Variants in SV2C observed in about 807,000 individuals in gnomAD.
SV2C encodes the protein solute carrier family 22 member B3.
A neutral mutation model predicts 79.7 loss-of-function variants in SV2C; 49 were observed. That is an observed-to-expected ratio of 0.61 (90% CI 0.49 to 0.78). The LOEUF is 0.78. SV2C is among the 30% of genes least tolerant of loss of function. The probability of loss-of-function intolerance (pLI) is 0.00; values close to 1 mark genes in which losing one functional copy is unlikely to be tolerated. For missense variants in SV2C, 833 were observed against 912.9 expected, an observed-to-expected ratio of 0.91 and a Z score of 1.13; for synonymous variants, 334 against 333.2, an observed-to-expected ratio of 1.00 and a Z score of -0.03.
At chr5:75,902,383 G>T in the SV2C span, among the ~76,000 whole-genome samples, 2 of 152,192 alleles carry the variant, frequency 1.3e-5, no homozygotes, top group Non-Finnish European at 2.9e-5. Context: ...CACAGAAGGT[G>T]CTGTATGGGC....
chr5:76,279,145 A>G (rs1348037218), intron 4 of SV2C, among the ~76,000 whole-genome samples: 1 of 152,168 alleles, frequency 6.6e-6, no homozygotes, highest in African/African-American at 2.4e-5. Context: ...GGTAAGAGAG[A>G]AACAAGAGTT....
At chr5:75,972,595 A>G in the SV2C span, among the ~76,000 whole-genome samples, 5 of 152,192 alleles carry the variant, frequency 3.3e-5, no homozygotes, top group African/African-American at 1.2e-4. Context: ...ATCACTGGCC[A>G]TCAGAGAAAT....
chr5:76,336,311 C>T (rs570559290), downstream of SV2C, among the ~76,000 whole-genome samples: 242 of 151,900 alleles, frequency 1.6e-3, no homozygotes, highest in Non-Finnish European at 2.8e-3. Context: ...CGGGCAGAGA[C>T]GCTCCTCACC....
At chr5:76,096,399 A>G (rs1357293884) in intron 1 of SV2C, among the ~76,000 whole-genome samples, 2 of 152,134 alleles carry the variant, frequency 1.3e-5, no homozygotes, top group South Asian at 2.1e-4. Context: ...GCTTACATCA[A>G]CCACTTTAAA....
the SV2C span, among the ~76,000 whole-genome samples, chr5:75,940,906 G>T: frequency 1.3e-5 from 2 of 152,168 alleles, no homozygotes; most frequent in East Asian, 3.8e-4. Flanking sequence ...TTCACCACTT[G>T]CCTAGGATCC....
intron 2 of SV2C, among the ~76,000 whole-genome samples, chr5:76,159,753 T>G (rs963978456): frequency 1.1e-4 from 17 of 152,244 alleles, no homozygotes; most frequent in Non-Finnish European, 2.5e-4. Context: ...TACTCTAGTA[T>G]GACCTCACCT....
At chr5:75,890,584 C>T in the SV2C span, among the ~76,000 whole-genome samples, 2 of 152,084 alleles carry the variant, frequency 1.3e-5, no homozygotes, top group African/African-American at 2.4e-5. Context: ...TAGATGCCAC[C>T]AGGTCTATCT....
chr5:76,285,570 C>G lies in SV2C; in HGVS notation c.1048-211C>G, dbSNP rs1277556602. 6 of 608,796 alleles carry G rather than the reference C, an allele frequency of 9.9e-6. No homozygotes were observed. In the South Asian group the frequency reaches 1.3e-4, roughly 13 times the overall value. The allele number at this position is 608,796 out of a possible 1,614,324, so 37.7% of individuals were successfully genotyped here. A position where few individuals can be genotyped will look rare whatever the true frequency, so the allele number is the denominator to read the frequency against. ...TTGTTTTATAGCGAAATTTTACCAT[C>G]TGGAGATACTATTTCTAGTTATAAC... On this transcript the variant is annotated intron_variant, in intron 5 of 12. Coordinates refer to ENST00000502798, the MANE Select transcript of SV2C (RefSeq NM_014979.4).
At chr5:76,139,492 A>G (rs1749180918) in intron 2 of SV2C, among the ~76,000 whole-genome samples, 1 of 152,174 alleles carries the variant, frequency 6.6e-6, no homozygotes, top group Non-Finnish European at 1.5e-5. Context: ...TTAATTGGCC[A>G]ACTGGCATTC....
rs1464788089 is a variant in SV2C at position 76,327,859 on chromosome 5, A to G, written c.*2312A>G. The G allele has an allele frequency of 6.6e-6, 1 of 152,268 alleles. No individual in the cohort carries two copies. The highest frequency in any genetic ancestry group is 1.5e-5 in the Non-Finnish European group (1 of 68,062). The allele number at this position is 152,268 out of a possible 1,614,324, so 9.4% of individuals were successfully genotyped here. A position where few individuals can be genotyped will look rare whatever the true frequency, so the allele number is the denominator to read the frequency against. On this transcript the variant is annotated 3_prime_UTR_variant, in exon 13 of 13. Transcript: ENST00000502798. ...TATTTGAACACTGGGTTGGGTCAGCATAGGATAAACCAGCAAAACCTTACT... is the reference window on the plus strand; with the variant it reads ...TATTTGAACACTGGGTTGGGTCAGCGTAGGATAAACCAGCAAAACCTTACT...
At chr5:76,175,890 C>G (rs1743510561) in intron 2 of SV2C, among the ~76,000 whole-genome samples, 1 of 152,046 alleles carries the variant, frequency 6.6e-6, no homozygotes, top group Non-Finnish European at 1.5e-5. Context: ...TCTGACAGCC[C>G]CCACTGCACT....
intron 12 of SV2C, among the ~76,000 whole-genome samples, chr5:76,319,360 G>A (rs535471402): frequency 2.6e-5 from 4 of 152,186 alleles, no homozygotes; most frequent in African/African-American, 9.6e-5. Flanking sequence ...CGAGGCTGCA[G>A]TGAGCCATGA....
chr5:75,871,834 TACACAC>T, the SV2C span, among the ~76,000 whole-genome samples: 5 of 118,856 alleles, frequency 4.2e-5, no homozygotes, highest in Non-Finnish European at 8.8e-5. Flanking sequence ...TATATATATA[TACACAC>T]ACACACACAC....
At chr5:76,222,633 T>C (rs1745100195) in intron 4 of SV2C, among the ~76,000 whole-genome samples, 1 of 152,250 alleles carries the variant, frequency 6.6e-6, no homozygotes, top group Admixed American at 6.5e-5. Context: ...ATGTTGTCTA[T>C]AGTTATGTAA....
the SV2C span, among the ~76,000 whole-genome samples, chr5:75,974,415 A>G: frequency 2.0e-5 from 3 of 152,068 alleles, no homozygotes; most frequent in African/African-American, 7.3e-5. Context: ...CTTCCAAGTT[A>G]TTTTCATTTT....
chr5:76,060,369 G>A, the SV2C span, among the ~76,000 whole-genome samples: 4 of 152,090 alleles, frequency 2.6e-5, no homozygotes, highest in Admixed American at 2.0e-4. Context: ...TACCTTCACC[G>A]ATGATCATGA....
the SV2C span, among the ~76,000 whole-genome samples, chr5:76,024,005 A>G: frequency 6.6e-6 from 1 of 152,070 alleles, no homozygotes; most frequent in African/African-American, 2.4e-5. Flanking sequence ...CCCCTGGGGT[A>G]GGGGAAACAA....
At position 76,132,264 on chromosome 5, in the gene SV2C, G is replaced by A. The variant is rs774819373; in HGVS notation, c.514G>A (p.Val172Ile). ...LMADGVEVFV[V>I]GFVLPSAETD... ...GGCAGACGGTGTAGAGGTGTTTGTC[G>A]TTGGCTTCGTGTTACCCAGTGCTGA... is the stretch of plus-strand genomic sequence containing the variant. Residue 172 changes from valine (V) to isoleucine (I), a missense_variant, in exon 2 of 13, where the codon GTT (valine) becomes ATT (isoleucine). Val to Ile is a conservative substitution (Grantham distance 29). Transcript: ENST00000502798. 1.7e-5 allele frequency: 28 copies of A among 1,613,990 alleles called. No individual in the cohort carries two copies. Among genetic ancestry groups the A allele is most frequent in the Admixed American group, 8.3e-5 (5 of 60,006 alleles).
the SV2C span, among the ~76,000 whole-genome samples, chr5:75,957,486 C>G: frequency 6.6e-6 from 1 of 151,952 alleles, no homozygotes; most frequent in Non-Finnish European, 1.5e-5. Flanking sequence ...TGTCTTATCT[C>G]CAATCTACAA....
Sources: gnomAD v4.1 joint callset for allele counts (sites outside exome capture counted in the v4.1 genomes callset) on GRCh38, gnomAD v4.1.1 for gene constraint, MANE v1.5 for transcripts, NCBI Gene and HGNC (gene_info 2026-07-23, HGNC 2026-07-21) for gene names.